HS6ST3: variants seen among roughly 807,000 people sequenced by gnomAD.
The protein encoded by HS6ST3 is heparan sulfate 6-O-sulfotransferase 3, also known as heparan-sulfate 6-O-sulfotransferase 3.
In HS6ST3, 12 loss-of-function variants were observed where a neutral mutation model predicts 36.7. That is an observed-to-expected ratio of 0.33 (90% CI 0.21 to 0.53). The LOEUF (loss-of-function observed/expected upper bound fraction) is 0.53. Among genes scored for constraint, HS6ST3 ranks in the 20% least tolerant of loss-of-function variants. The probability of loss-of-function intolerance (pLI) is 0.95; values close to 1 mark genes in which losing one functional copy is unlikely to be tolerated. For missense variants in HS6ST3, 584 were observed against 640.9 expected (o/e 0.91, Z 0.96); for synonymous variants, 240 against 257.5 (o/e 0.93, Z 0.65).
intron 1 of HS6ST3, among the ~76,000 whole-genome samples, chr13:96,175,822 A>T (rs910311271): frequency 1.3e-5 from 2 of 151,638 alleles, no homozygotes; most frequent in Admixed American, 6.6e-5. Flanking sequence ...ATTAGGTTTT[A>T]AAATTATTCT....
intron 1 of HS6ST3, among the ~76,000 whole-genome samples, chr13:96,202,455 T>G (rs1280852932): frequency 6.6e-6 from 1 of 152,320 alleles, no homozygotes; most frequent in East Asian, 1.9e-4. Flanking sequence ...CTGTCCTGTC[T>G]CTCAGTGATT....
At chr13:96,680,094 G>A (rs1267354734) in intron 1 of HS6ST3, among the ~76,000 whole-genome samples, 1 of 152,114 alleles carries the variant, frequency 6.6e-6, no homozygotes, top group African/African-American at 2.4e-5. Context: ...CCTGCATGAT[G>A]CCAGTGTCTG....
At chr13:96,329,975 G>A (rs1017479207) in intron 1 of HS6ST3, among the ~76,000 whole-genome samples, 22 of 151,036 alleles carry the variant, frequency 1.5e-4, no homozygotes, top group African/African-American at 2.4e-5. Flanking sequence ...TTGGTTTAAA[G>A]TCTGTTTTAT....
chr13:96,796,999 T>A (rs1262261422), intron 1 of HS6ST3, among the ~76,000 whole-genome samples: 1 of 152,090 alleles, frequency 6.6e-6, no homozygotes, highest in African/African-American at 2.4e-5. Flanking sequence ...ATCAATAGGC[T>A]GAGGACATCT....
intron 1 of HS6ST3, among the ~76,000 whole-genome samples, chr13:96,207,848 G>C (rs72642929): frequency 0.054 from 8,167 of 152,188 alleles, 321 homozygotes; most frequent in Admixed American, 0.12. Context: ...CATGGGGGAA[G>C]GGATAGCATC....
intron 1 of HS6ST3, among the ~76,000 whole-genome samples, chr13:96,370,120 A>G (rs534023756): frequency 6.6e-6 from 1 of 152,282 alleles, no homozygotes; most frequent in African/African-American, 2.4e-5. Flanking sequence ...AAGAGAATAA[A>G]CAAACCCATG....
At chr13:96,298,891 C>T (rs1282273027) in intron 1 of HS6ST3, among the ~76,000 whole-genome samples, 7 of 152,106 alleles carry the variant, frequency 4.6e-5, no homozygotes, top group Admixed American at 4.6e-4. Context: ...AAAGGATTAC[C>T]AATACCTGTT....
At chr13:96,567,654 T>C (rs1159561189) in intron 1 of HS6ST3, among the ~76,000 whole-genome samples, 1 of 151,972 alleles carries the variant, frequency 6.6e-6, no homozygotes, top group Non-Finnish European at 1.5e-5. Context: ...TCTGACTCCA[T>C]AAAAATAAAA....
chr13:96,109,483 A>G (rs1449779187), intron 1 of HS6ST3, among the ~76,000 whole-genome samples: 1 of 152,214 alleles, frequency 6.6e-6, no homozygotes, highest in Non-Finnish European at 1.5e-5. Flanking sequence ...AAGGTTATGC[A>G]TTGCTTATGT....
At chr13:96,688,546 C>T (rs147985115) in intron 1 of HS6ST3, among the ~76,000 whole-genome samples, 5 of 152,054 alleles carry the variant, frequency 3.3e-5, no homozygotes, top group East Asian at 1.9e-4. Flanking sequence ...GAAGGAATAG[C>T]GGAGAAGAGA....
At chr13:96,136,515 G>T (rs907902718) in intron 1 of HS6ST3, among the ~76,000 whole-genome samples, 1 of 152,034 alleles carries the variant, frequency 6.6e-6, no homozygotes, top group South Asian at 2.1e-4. Context: ...CAGTACCAAG[G>T]TTGGAGGGAT....
intron 1 of HS6ST3, among the ~76,000 whole-genome samples, chr13:96,370,393 T>C (rs941871438): frequency 6.6e-6 from 1 of 152,246 alleles, no homozygotes; most frequent in African/African-American, 2.4e-5. Flanking sequence ...AAAAAATTTC[T>C]AATATTTTGT....
chr13:96,283,488 C>A (rs754730662), intron 1 of HS6ST3, among the ~76,000 whole-genome samples: 2 of 152,174 alleles, frequency 1.3e-5, no homozygotes, highest in Non-Finnish European at 2.9e-5. Flanking sequence ...CCATTAGGAA[C>A]TGGAACAATT....
intron 1 of HS6ST3, among the ~76,000 whole-genome samples, chr13:96,421,305 T>C (rs1014060351): frequency 6.6e-6 from 1 of 152,190 alleles, no homozygotes; most frequent in Non-Finnish European, 1.5e-5. Flanking sequence ...TTGTCACCAA[T>C]TCATTAATGA....
At chr13:96,741,923 C>G (rs1234858796) in intron 1 of HS6ST3, among the ~76,000 whole-genome samples, 4 of 152,150 alleles carry the variant, frequency 2.6e-5, no homozygotes, top group African/African-American at 9.7e-5. Flanking sequence ...GCTCCATCCC[C>G]TCTTCCCATT....
chr13:96,582,509 A>C (rs769265275), intron 1 of HS6ST3, among the ~76,000 whole-genome samples: 1 of 152,202 alleles, frequency 6.6e-6, no homozygotes, highest in African/African-American at 2.4e-5. Flanking sequence ...CAGAAAATGG[A>C]AAGTTGAGGA....
At chr13:96,694,349 C>A (rs558351168) in intron 1 of HS6ST3, among the ~76,000 whole-genome samples, 1 of 152,224 alleles carries the variant, frequency 6.6e-6, no homozygotes, top group South Asian at 2.1e-4. Flanking sequence ...TGATCTCATT[C>A]TTTTTTATAG....
At chr13:96,261,549 G>C (rs2054666673) in intron 1 of HS6ST3, among the ~76,000 whole-genome samples, 1 of 152,172 alleles carries the variant, frequency 6.6e-6, no homozygotes, top group Non-Finnish European at 1.5e-5. Flanking sequence ...ATCTGTAGCA[G>C]AGGGCCAGAA....
intron 1 of HS6ST3, among the ~76,000 whole-genome samples, chr13:96,404,277 G>A (rs2055466164): frequency 6.6e-6 from 1 of 152,146 alleles, no homozygotes; most frequent in Admixed American, 6.6e-5. Flanking sequence ...TTTGGAGGAT[G>A]TTCAGTGCCT....
Sources: allele counts gnomAD v4.1 joint callset (sites outside exome capture counted in the v4.1 genomes callset), GRCh38; gene constraint gnomAD v4.1.1; transcripts MANE v1.5; gene names NCBI Gene and HGNC (gene_info 2026-07-23, HGNC 2026-07-21).